CLCA1: variants seen among roughly 807,000 people sequenced by gnomAD.
CLCA1 encodes chloride channel accessory 1, also known as calcium-activated chloride channel regulator 1.
CLCA1 carries 59 observed loss-of-function variants against 85.6 expected under a neutral mutation model. The ratio of observed to expected loss-of-function variants is 0.69; its 90% CI spans 0.56 to 0.86. The LOEUF (loss-of-function observed/expected upper bound fraction) is 0.86, where lower values mean the gene tolerates loss of function less well. Ranked by LOEUF, CLCA1 falls within the 40% of genes least tolerant of loss-of-function variation. The pLI, the probability that CLCA1 is intolerant of heterozygous loss-of-function variation, is 0.00. For missense variants in CLCA1, 1,022 were observed against 1,101.4 expected (o/e 0.93, Z 1.02); for synonymous variants, 396 against 398.3 (o/e 0.99, Z 0.07).
chr1:86,491,929 C>A (rs905864890), intron 9 of CLCA1, among the ~76,000 whole-genome samples: 9 of 152,024 alleles, frequency 5.9e-5, no homozygotes, highest in African/African-American at 2.2e-4. Context: ...ACCTTCATTT[C>A]TCCACCAGGT....
rs943497262 is a variant in CLCA1, at chr1:86,475,586, C to T, written c.452-862C>T. ...AATGGGAGATGGTGAAATGCAAACG[C>T]GGAGTACTGGGCCTAAGATGAGGAT... On this transcript the variant is annotated intron_variant, in intron 3 of 13. Transcript: ENST00000394711. 5.9e-5 allele frequency among the ~76,000 whole-genome samples: 9 copies of T among 152,158 alleles called. No individual in the cohort carries two copies. The South Asian group carries it at 1.9e-3, about 32-fold the overall frequency.
chr1:86,469,444 T>C (rs893396639), intron 1 of CLCA1, among the ~76,000 whole-genome samples: 5 of 152,232 alleles, frequency 3.3e-5, no homozygotes, highest in Non-Finnish European at 5.9e-5. Flanking sequence ...CAGAGTCAGC[T>C]ACATTTGACA....
intron 3 of CLCA1, among the ~76,000 whole-genome samples, 165 bp from the exon 4 acceptor site, chr1:86,476,283 A>G (rs1647633261): frequency 2.0e-5 from 3 of 152,258 alleles, no homozygotes; most frequent in African/African-American, 7.2e-5. Flanking sequence ...AAGTATTTAT[A>G]TTTTAAGAAA....
chr1:86,474,048 C>A (rs922950528), intron 3 of CLCA1, among the ~76,000 whole-genome samples, 172 bp downstream of exon 3: 1 of 152,158 alleles, frequency 6.6e-6, no homozygotes, highest in Admixed American at 6.5e-5. Flanking sequence ...GAATTTCCAG[C>A]ATTTCTCAGC....
rs769350528 is a variant in CLCA1, at chr1:86,473,425, G to T, written c.171G>T (p.Val57=). 5 of 1,571,584 alleles carry T rather than the reference G, an allele frequency of 3.2e-6. 1 individual carries two copies. In the South Asian group the frequency reaches 5.8e-5, roughly 18 times the overall value. The change falls in exon 2 of 14, where the codon GTG becomes GTT. Residue 57 remains valine (V), a synonymous_variant. Transcript: ENST00000394711. Reference sequence around the variant, plus strand: ...TTTCTTTTTCTTCCCAGGACATGGTGACCCAGGCATCTCTGTATCTGCTTG... The same window carrying T: ...TTTCTTTTTCTTCCCAGGACATGGTTACCCAGGCATCTCTGTATCTGCTTG... ...ETLIQQIKDM[V]TQASLYLLEA...
intron 3 of CLCA1, among the ~76,000 whole-genome samples, chr1:86,474,847 G>A (rs186694159): frequency 6.6e-6 from 1 of 152,202 alleles, no homozygotes; most frequent in Non-Finnish European, 1.5e-5. Context: ...AATCAAATGT[G>A]ACTCTTTACT....
At position 86,485,483 on chromosome 1, in the gene CLCA1, A is replaced by C; in HGVS notation, c.876A>C (p.Pro292=). The change falls in exon 6 of 14, where the codon CCA becomes CCC. Residue 292 remains proline (P), a synonymous_variant. Coordinates refer to ENST00000394711, the MANE Select transcript of CLCA1 (RefSeq NM_001285.4). ...AAACCACTCCTATGACAACACAGCCACCAAATCCCACCTTCTCATTGCTGC... is the reference window on the plus strand; with the variant it reads ...AAACCACTCCTATGACAACACAGCCCCCAAATCCCACCTTCTCATTGCTGC... ...FKKTTPMTTQ[P]PNPTFSLLQI... 4.3e-6 allele frequency: 7 copies of C among 1,614,156 alleles called. No individual in the cohort carries two copies. The highest frequency in any genetic ancestry group is 5.9e-6 in the Non-Finnish European group (7 of 1,180,020).
chr1:86,476,726 GC>G (rs1647646514), intron 4 of CLCA1, among the ~76,000 whole-genome samples, 173 bp downstream of exon 4: 1 of 151,948 alleles, frequency 6.6e-6, no homozygotes, highest in Non-Finnish European at 1.5e-5. Flanking sequence ...CTTTACAAGT[GC>G]TTCAGTTAAT....
At chr1:86,486,411 G>T in intron 6 of CLCA1, 115 bp from the exon 7 acceptor site, 1 of 868,982 alleles carries the variant, frequency 1.2e-6, no homozygotes, top group Non-Finnish European at 1.8e-6. Flanking sequence ...CCTCAAGTAA[G>T]CTTATGGTCA....
rs148710894 is a variant in CLCA1, at chr1:86,482,342, C to A, written c.695C>A (p.Thr232Lys). The A allele has an allele frequency of 6.2e-7, 1 of 1,613,964 alleles. No individual in the cohort carries two copies. Among genetic ancestry groups the A allele is most frequent in the Non-Finnish European group, 8.5e-7 (1 of 1,179,970 alleles). The stretch of plus-strand genomic sequence containing the variant: ...GAGTTTGTTCTCCAATCCCGCCAGA[C>A]GGAGAAGGCTTCTATAATGTTTGCA... Reference protein sequence around the residue: ...GCEFVLQSRQTEKASIMFAQH... With the variant: ...GCEFVLQSRQKEKASIMFAQH... Residue 232 changes from threonine (T) to lysine (K), a missense_variant, in exon 5 of 14, where the codon ACG becomes AAG. By Grantham distance (78) the Thr-to-Lys change is moderately conservative. Transcript: ENST00000394711.
Position 86,486,767 on chromosome 1 carries a change from T to C in CLCA1, c.1182+14T>C. 1.2e-6 allele frequency: 2 copies of C among 1,611,126 alleles called. No homozygotes were observed. Among genetic ancestry groups the C allele is most frequent in the Non-Finnish European group, 1.7e-6 (2 of 1,177,280 alleles). ...TCGGCATTTACTGTGAGATGTGTTTTTCTATTGTAGTTTGGAATGTTTGCA... is the reference window on the plus strand; with the variant it reads ...TCGGCATTTACTGTGAGATGTGTTTCTCTATTGTAGTTTGGAATGTTTGCA... On this transcript the variant is annotated intron_variant, in intron 7 of 13. Transcript: ENST00000394711.
At position 86,499,639 on chromosome 1, in the gene CLCA1, CTTT is replaced by C. The variant is rs760866893; in HGVS notation, c.2354-11_2354-9del. ...ATTTCAGAATTAAAGTCACATTCTT[CTTT>C]TTTCTTTTTAGCTCACAAGTATATC... On this transcript the variant is annotated splice_polypyrimidine_tract_variant and intron_variant, in intron 13 of 13. Coordinates refer to ENST00000394711, the MANE Select transcript of CLCA1 (RefSeq NM_001285.4). The C allele has an allele frequency of 1.3e-6, 2 of 1,491,056 alleles. No individual in the cohort carries two copies. Among genetic ancestry groups the C allele is most frequent in the Admixed American group, 2.1e-5 (1 of 48,612 alleles). 92.4% of individuals were successfully genotyped at this position (1,491,056 alleles called of 1,614,324 possible).
chr1:86,476,040 T>A (rs1160460524), intron 3 of CLCA1, among the ~76,000 whole-genome samples: 1 of 152,020 alleles, frequency 6.6e-6, no homozygotes, highest in Admixed American at 6.6e-5. Context: ...ATAGGAGCCA[T>A]GAGGGAGGAG....
intron 3 of CLCA1, 51 bp from the exon 4 acceptor site, chr1:86,476,397 G>A: frequency 4.6e-6 from 4 of 870,016 alleles, no homozygotes; most frequent in Non-Finnish European, 7.7e-6. Flanking sequence ...GTGTGAGAAG[G>A]TAATTTTGCC....
chr1:86,476,329 T>C, intron 3 of CLCA1, 119 bp from the exon 4 acceptor site: 1 of 583,798 alleles, frequency 1.7e-6, no homozygotes, highest in East Asian at 2.8e-5. Context: ...AAATCAAGTC[T>C]TTAATTTAAA....
intron 5 of CLCA1, among the ~76,000 whole-genome samples, chr1:86,484,051 A>T (rs1445141816): frequency 1.3e-5 from 2 of 152,188 alleles, no homozygotes; most frequent in Non-Finnish European, 2.9e-5. Context: ...AACTCACTCA[A>T]TATCACAAGA....
chr1:86,471,725 TAGA>T (rs1413922367), intron 1 of CLCA1, among the ~76,000 whole-genome samples: 1 of 152,180 alleles, frequency 6.6e-6, no homozygotes, highest in Non-Finnish European at 1.5e-5. Flanking sequence ...CTGGGAGTTT[TAGA>T]AGGAGAAAAT....
At chr1:86,470,494 G>A (rs1035704934) in intron 1 of CLCA1, among the ~76,000 whole-genome samples, 3 of 152,188 alleles carry the variant, frequency 2.0e-5, no homozygotes, top group Admixed American at 2.0e-4. Context: ...TGTAGATGCC[G>A]TATTCATCTT....
At chr1:86,495,431 G>A in intron 11 of CLCA1, 74 bp from the exon 12 acceptor site, 3 of 1,221,594 alleles carry the variant, frequency 2.5e-6, no homozygotes, top group Non-Finnish European at 3.5e-6. Flanking sequence ...AAAATTCATA[G>A]CCTACATATG....
Sources: gnomAD v4.1 joint callset for allele counts (sites outside exome capture counted in the v4.1 genomes callset) on GRCh38, gnomAD v4.1.1 for gene constraint, MANE v1.5 for transcripts, NCBI Gene and HGNC (gene_info 2026-07-23, HGNC 2026-07-21) for gene names.